The following KIAA0586 variants were observed in gnomAD, a reference collection of about 807,000 sequenced individuals.
KIAA0586 encodes protein TALPID3.
A neutral mutation model predicts 169.8 loss-of-function variants in KIAA0586; 144 were observed. The ratio of observed to expected loss-of-function variants is 0.85; its 90% confidence interval spans 0.74 to 0.97. The LOEUF is 0.97. KIAA0586 is among the 50% of genes least tolerant of loss of function. The pLI, the probability that KIAA0586 is intolerant of heterozygous loss-of-function variation, is 0.00. For missense variants in KIAA0586, 1,854 were observed against 1,823.0 expected, an observed-to-expected ratio of 1.02 and a Z score of -0.31; for synonymous variants, 625 against 612.4, an observed-to-expected ratio of 1.02 and a Z score of -0.30.
At chr14:58,456,942 T>G in intron 10 of KIAA0586, 132 bp downstream of exon 10, 1 of 614,698 alleles carries the variant, frequency 1.6e-6, no homozygotes, top group South Asian at 2.1e-5. Context: ...CAGCCACATC[T>G]GTTCCATTTA....
chr14:58,543,079 C>A (rs1351978061), intron 30 of KIAA0586, among the ~76,000 whole-genome samples: 1 of 149,500 alleles, frequency 6.7e-6, no homozygotes, highest in Non-Finnish European at 1.5e-5. Flanking sequence ...TTGCAGTGAG[C>A]CAAGATTGCG....
chr14:58,428,213 CAG>C lies in KIAA0586; in HGVS notation c.-48_-47del, dbSNP rs754046825. 41 of 1,571,864 alleles carry C rather than the reference CAG, an allele frequency of 2.6e-5. No individual in the cohort carries two copies. In the African/African-American group the frequency reaches 3.8e-4, roughly 15 times the overall value. On this transcript the variant is annotated 5_prime_UTR_variant, in exon 1 of 31. Coordinates refer to ENST00000652326, the MANE Select transcript of KIAA0586 (RefSeq NM_001329943.3). ...ATTTTGTTCTGAAGTCTTAAGGAAACAGAGAAAGTTTTTCCGTCCTTAAGTGT... is the reference window on the plus strand; with the variant it reads ...ATTTTGTTCTGAAGTCTTAAGGAAACAGAAAGTTTTTCCGTCCTTAAGTGT...
chr14:58,444,734 G>A (rs1163911364), intron 6 of KIAA0586, among the ~76,000 whole-genome samples: 1 of 151,844 alleles, frequency 6.6e-6, no homozygotes, highest in Admixed American at 6.6e-5. Flanking sequence ...ATATTTTTAA[G>A]TGCTTATATC....
chr14:58,471,694 A>G (rs1014885619), intron 17 of KIAA0586, among the ~76,000 whole-genome samples: 3 of 152,148 alleles, frequency 2.0e-5, no homozygotes, highest in Non-Finnish European at 4.4e-5. Context: ...ATAACAAGCA[A>G]TAAATTTTTG....
intron 29 of KIAA0586, among the ~76,000 whole-genome samples, chr14:58,529,689 T>A (rs1234942884): frequency 6.6e-6 from 1 of 152,134 alleles, no homozygotes; most frequent in Non-Finnish European, 1.5e-5. Flanking sequence ...ATAAACTATC[T>A]ATTGATGAAA....
chr14:58,428,390 T>C lies in KIAA0586; in HGVS notation c.126T>C (p.Cys42=). 3 of 1,614,012 alleles carry C rather than the reference T, an allele frequency of 1.9e-6. No individual in the cohort carries two copies. Among genetic ancestry groups the C allele is most frequent in the Non-Finnish European group, 2.5e-6 (3 of 1,179,888 alleles). Residue 42 remains cysteine, a synonymous_variant, in exon 1 of 31, where the codon TGT becomes TGC. Coordinates refer to ENST00000652326, the MANE Select transcript of KIAA0586 (RefSeq NM_001329943.3). ...HLVLLKDELP[C]VPPALSANKR... Reference sequence around the variant, plus strand: ...TTTTGCTGAAAGATGAGTTGCCCTGTGTTCCTCCGGCATTGTCTGCAAATA... The same window carrying C: ...TTTTGCTGAAAGATGAGTTGCCCTGCGTTCCTCCGGCATTGTCTGCAAATA...
At chr14:58,546,390 C>G (rs1329869811) in intron 30 of KIAA0586, among the ~76,000 whole-genome samples, 2 of 152,110 alleles carry the variant, frequency 1.3e-5, no homozygotes, top group African/African-American at 4.8e-5. Context: ...ATCTCCAGAA[C>G]TGTCTAATTA....
chr14:58,527,455 G>C (rs1300545708), intron 29 of KIAA0586, among the ~76,000 whole-genome samples: 1 of 152,198 alleles, frequency 6.6e-6, no homozygotes, highest in African/African-American at 2.4e-5. Flanking sequence ...CAGCCAGAGA[G>C]AAAGGTTGGG....
chr14:58,428,492 A>G, intron 1 of KIAA0586, 29 bp downstream of exon 1: 6 of 1,516,988 alleles, frequency 4.0e-6, no homozygotes, highest in Non-Finnish European at 5.5e-6. Flanking sequence ...TTTTTCAACC[A>G]GTTTTAGTTT....
At chr14:58,478,077 C>T (rs1025737644) in intron 20 of KIAA0586, among the ~76,000 whole-genome samples, 2 of 152,134 alleles carry the variant, frequency 1.3e-5, no homozygotes. Context: ...TGGACTGCAG[C>T]GACATGATCA....
chr14:58,517,613 T>C (rs1245433245), intron 29 of KIAA0586, among the ~76,000 whole-genome samples: 1 of 152,188 alleles, frequency 6.6e-6, no homozygotes, highest in East Asian at 1.9e-4. Context: ...CAGCAGTCCA[T>C]TTCCTATGTA....
chr14:58,488,550 G>C (rs1381041330), intron 23 of KIAA0586, 71 bp from the exon 24 acceptor site: 2 of 1,537,946 alleles, frequency 1.3e-6, no homozygotes, highest in Non-Finnish European at 1.8e-6. Flanking sequence ...CTTCGAGTCT[G>C]TTTTTTATAT....
At chr14:58,451,957 A>G (rs533265769) in intron 8 of KIAA0586, among the ~76,000 whole-genome samples, 1 of 152,336 alleles carries the variant, frequency 6.6e-6, no homozygotes, top group East Asian at 1.9e-4. Context: ...TGCTGTGATT[A>G]CAGGCGTGAG....
At chr14:58,486,164 C>T (rs1463366102) in intron 21 of KIAA0586, among the ~76,000 whole-genome samples, 1 of 152,154 alleles carries the variant, frequency 6.6e-6, no homozygotes, top group Non-Finnish European at 1.5e-5. Flanking sequence ...TATGTGTGCT[C>T]AATGTTTAGC....
At chr14:58,532,560 C>CTAT (rs1030380949) in intron 29 of KIAA0586, among the ~76,000 whole-genome samples, 5 of 151,072 alleles carry the variant, frequency 3.3e-5, no homozygotes, top group African/African-American at 4.9e-5. Context: ...TTTAAGAAAT[C>CTAT]TATTATTATT....
chr14:58,484,915 TATATA>T (rs2042320679), intron 21 of KIAA0586, among the ~76,000 whole-genome samples: 1 of 30,722 alleles, frequency 3.3e-5, no homozygotes, highest in African/African-American at 1.1e-4. Flanking sequence ...TATATATATA[TATATA>T]TATATTTTTT....
intron 21 of KIAA0586, among the ~76,000 whole-genome samples, chr14:58,485,771 C>G (rs1253861648): frequency 6.6e-6 from 1 of 152,168 alleles, no homozygotes; most frequent in Non-Finnish European, 1.5e-5. Context: ...TCCCTGCTGT[C>G]TTCATCTTTC....
intron 4 of KIAA0586, chr14:58,441,131 A>G (rs1235841236): frequency 4.6e-6 from 1 of 218,032 alleles, no homozygotes; most frequent in African/African-American, 2.3e-5. Flanking sequence ...ATACCTCAGT[A>G]AAGTGGGATA....
At position 58,477,676 on chromosome 14, in the gene KIAA0586, A is replaced by G. The variant is rs1452017287; in HGVS notation, c.2944+435A>G. Among the ~76,000 whole-genome samples, 5 of 152,032 alleles carry G rather than the reference A, an allele frequency of 3.3e-5. No individual in the cohort carries two copies. In the East Asian group the frequency reaches 5.8e-4, roughly 18 times the overall value. The stretch of plus-strand genomic sequence containing the variant: ...ATGGTTAAAATGAGCCTCTTTCTTT[A>G]TGGAGCCTATGCCATTCTTTTCTCC... On this transcript the variant is annotated intron_variant, in intron 20 of 30. Coordinates refer to ENST00000652326, the MANE Select transcript of KIAA0586 (RefSeq NM_001329943.3).
Sources: allele counts gnomAD v4.1 joint callset (sites outside exome capture counted in the v4.1 genomes callset), GRCh38; gene constraint gnomAD v4.1.1; transcripts MANE v1.5; gene names NCBI Gene and HGNC (gene_info 2026-07-23, HGNC 2026-07-21).